The following CLEC19A variants were observed in gnomAD, a reference collection of about 807,000 sequenced individuals.
The protein encoded by CLEC19A is C-type lectin domain family 19 member A.
CLEC19A carries 21 observed loss-of-function variants against 26.1 expected under a neutral mutation model. The observed-to-expected ratio is 0.80, with a 90% CI of 0.57 to 1.16. The LOEUF is 1.16. Ranked by LOEUF, CLEC19A falls within the 50% of genes most tolerant of loss-of-function variation. The pLI is 0.00. For missense variants in CLEC19A, 224 were observed against 227.6 expected (o/e 0.98, Z 0.10); for synonymous variants, 89 against 88.6 (o/e 1.00, Z -0.03).
Position 19,309,053 on chromosome 16 carries a change from C to G in CLEC19A, c.531C>G (p.Val177=). 7.1e-6 allele frequency: 11 copies of G among 1,548,336 alleles called. No homozygotes were observed. Among genetic ancestry groups the G allele is most frequent in the Non-Finnish European group, 9.6e-6 (11 of 1,146,768 alleles). The change falls in exon 5 of 5, where the codon GTC becomes GTG. Residue 177 remains valine, a synonymous_variant. Coordinates refer to ENST00000636231, the MANE Select transcript of CLEC19A (RefSeq NM_001256720.2). ...DNTCSRKFPF[V]CKIPSLTIH is the part of the protein sequence containing the mutation. ...CCTGCAGCCGGAAGTTCCCCTTTGT[C>G]TGCAAAATCCCATCTCTGACCATTC...
intron 1 of CLEC19A, among the ~76,000 whole-genome samples, chr16:19,293,593 G>A (rs528207124): frequency 6.6e-6 from 1 of 151,918 alleles, no homozygotes; most frequent in African/African-American, 2.4e-5. Context: ...CTCCCAAGTA[G>A]CTGGGACTAC....
At chr16:19,288,359 A>G (rs1897515834) in intron 1 of CLEC19A, among the ~76,000 whole-genome samples, 1 of 152,016 alleles carries the variant, frequency 6.6e-6, no homozygotes, top group Non-Finnish European at 1.5e-5. Context: ...CGACCATGAG[A>G]ATACATGTAC....
At chr16:19,288,058 A>G (rs575563972) in intron 1 of CLEC19A, among the ~76,000 whole-genome samples, 1 of 152,266 alleles carries the variant, frequency 6.6e-6, no homozygotes, top group South Asian at 2.1e-4. Flanking sequence ...AAATGGAAGG[A>G]TGGGTCTTAA....
intron 4 of CLEC19A, among the ~76,000 whole-genome samples, chr16:19,308,704 A>C (rs1024721948): frequency 6.6e-6 from 1 of 151,892 alleles, no homozygotes; most frequent in Non-Finnish European, 1.5e-5. Flanking sequence ...TTCTTTTCCT[A>C]ATTAGGGGAG....
At chr16:19,294,527 T>C (rs1897663732) in intron 1 of CLEC19A, among the ~76,000 whole-genome samples, 1 of 152,150 alleles carries the variant, frequency 6.6e-6, no homozygotes, top group Non-Finnish European at 1.5e-5. Flanking sequence ...GAGTTTCATC[T>C]TCAGTGGAAA....
intron 1 of CLEC19A, among the ~76,000 whole-genome samples, chr16:19,294,524 A>T (rs923381934): frequency 4.6e-5 from 7 of 152,230 alleles, no homozygotes; most frequent in Non-Finnish European, 8.8e-5. Flanking sequence ...GAAGAGTTTC[A>T]TCTTCAGTGG....
In CLEC19A at chr16:19,307,668, C is replaced by T. The variant is rs1178278313; in HGVS notation, c.472C>T (p.Pro158Ser). ...EEDCVQIWYRPTSALRSWNDN... is the reference protein window; with the variant it reads ...EEDCVQIWYRSTSALRSWNDN... ...GGACTGCGTGCAGATATGGTACAGG[C>T]CTACCAGTGGTGGGTACCCCTGAGA... The change falls in exon 4 of 5, where the codon CCT becomes TCT. Residue 158 changes from proline (P) to serine (S), a missense_variant. Pro to Ser is a moderately conservative substitution (Grantham distance 74, BLOSUM62 -1). Transcript: ENST00000636231. 1 of 1,548,218 alleles carries T rather than the reference C, an allele frequency of 6.5e-7. No homozygotes were observed. The highest frequency in any genetic ancestry group is 1.2e-5 in the South Asian group (1 of 83,938).
chr16:19,296,936 G>A (rs891850407), intron 1 of CLEC19A, among the ~76,000 whole-genome samples: 7 of 152,254 alleles, frequency 4.6e-5, no homozygotes, highest in Non-Finnish European at 8.8e-5. Flanking sequence ...GTCAGATACA[G>A]AGCTGGGGGT....
intron 1 of CLEC19A, among the ~76,000 whole-genome samples, chr16:19,293,858 T>A (rs1340733294): frequency 2.0e-5 from 3 of 152,194 alleles, no homozygotes; most frequent in Non-Finnish European, 4.4e-5. Flanking sequence ...TCAAGGTAAA[T>A]GAGGTGTCCA....
chr16:19,305,496 A>T (rs2143011093), intron 3 of CLEC19A, among the ~76,000 whole-genome samples: 1 of 152,248 alleles, frequency 6.6e-6, no homozygotes, highest in Admixed American at 6.5e-5. Flanking sequence ...TCCTGGGCAA[A>T]CCACATACTG....
chr16:19,307,766 A>G, intron 4 of CLEC19A, 89 bp downstream of exon 4: 2 of 1,498,892 alleles, frequency 1.3e-6, no homozygotes, highest in South Asian at 1.2e-5. Context: ...GGGGAAGAGG[A>G]GCACCTGATG....
chr16:19,292,757 C>G (rs1897616390), intron 1 of CLEC19A, among the ~76,000 whole-genome samples: 1 of 152,158 alleles, frequency 6.6e-6, no homozygotes, highest in African/African-American at 2.4e-5. Context: ...TGGCTGAAGT[C>G]AGGTCAAGGG....
At chr16:19,285,983 ACT>A in intron 1 of CLEC19A, 44 bp downstream of exon 1, 2 of 1,513,642 alleles carry the variant, frequency 1.3e-6, no homozygotes, top group Non-Finnish European at 1.8e-6. Context: ...AGAGGAGTAC[ACT>A]CTCAGGAACT....
At chr16:19,301,711 A>G (rs550852367) in intron 2 of CLEC19A, among the ~76,000 whole-genome samples, 8 of 135,150 alleles carry the variant, frequency 5.9e-5, no homozygotes, top group Admixed American at 4.8e-4. Flanking sequence ...CTACAGGCGC[A>G]TGACACCATG....
chr16:19,308,145 T>C (rs1319083038), intron 4 of CLEC19A, among the ~76,000 whole-genome samples: 1 of 152,226 alleles, frequency 6.6e-6, no homozygotes, highest in Non-Finnish European at 1.5e-5. Flanking sequence ...TTCTGTGTCA[T>C]TGCAGAGAAT....
At chr16:19,304,276 CA>C in intron 3 of CLEC19A, 121 bp downstream of exon 3, 1 of 774,150 alleles carries the variant, frequency 1.3e-6, no homozygotes. Context: ...AGAGAGAAAT[CA>C]GACACCAAGA....
chr16:19,294,322 G>C (rs1370370232), intron 1 of CLEC19A, among the ~76,000 whole-genome samples: 1 of 152,158 alleles, frequency 6.6e-6, no homozygotes, highest in Admixed American at 6.5e-5. Flanking sequence ...GTGAGGGGGG[G>C]TGCCCAGGGG....
rs564273057 is a variant in CLEC19A at position 19,309,504 on chromosome 16, G to A, written c.*421G>A. On this transcript the variant is annotated 3_prime_UTR_variant, in exon 5 of 5. Coordinates refer to ENST00000636231, the MANE Select transcript of CLEC19A (RefSeq NM_001256720.2). ...AGGCGCTGGGAGTGGGGGAAAATGC[G>A]GGGGGGTGTTGGTCAAAGCATACAA... 1.7e-3 allele frequency: 259 copies of A among 151,194 alleles called. 8 individuals carry two copies. In the South Asian group the frequency reaches 0.051, roughly 30 times the overall value. The allele number at this position is 151,194 out of a possible 1,614,324, so 9.4% of individuals were successfully genotyped here. A position where few individuals can be genotyped will look rare whatever the true frequency, so the allele number is the denominator to read the frequency against.
At chr16:19,305,432 G>T (rs1016951160) in intron 3 of CLEC19A, among the ~76,000 whole-genome samples, 1 of 152,196 alleles carries the variant, frequency 6.6e-6, no homozygotes, top group Admixed American at 6.5e-5. Context: ...GCTTGGACCA[G>T]ATCTCTGCAA....
Sources: gnomAD v4.1 joint callset for allele counts (sites outside exome capture counted in the v4.1 genomes callset) on GRCh38, gnomAD v4.1.1 for gene constraint, MANE v1.5 for transcripts, NCBI Gene and HGNC (gene_info 2026-07-23, HGNC 2026-07-21) for gene names.